Variants in TRABD2B observed in about 807,000 individuals in gnomAD.
TRABD2B encodes the protein metalloprotease TIKI2.
In TRABD2B, 14 loss-of-function variants were observed where a neutral mutation model predicts 40.1. The observed-to-expected ratio is 0.35, with a 90% CI of 0.23 to 0.55. TRABD2B has a LOEUF of 0.55. Ranked by LOEUF, TRABD2B falls within the 20% of genes least tolerant of loss-of-function variation. The pLI is 0.90. For synonymous variants in TRABD2B, 263 were observed against 277.0 expected, an observed-to-expected ratio of 0.95 and a Z score of 0.50; for missense variants, 541 against 648.6, an observed-to-expected ratio of 0.83 and a Z score of 1.80.
intron 4 of TRABD2B, among the ~76,000 whole-genome samples, chr1:47,785,703 C>T (rs370976131): frequency 1.3e-5 from 2 of 152,186 alleles, no homozygotes; most frequent in East Asian, 1.9e-4. Flanking sequence ...CAGGTCAGCA[C>T]AGGACAGAGC....
At chr1:47,938,980 G>A (rs902055094) in intron 2 of TRABD2B, among the ~76,000 whole-genome samples, 4 of 152,112 alleles carry the variant, frequency 2.6e-5, no homozygotes, top group Non-Finnish European at 5.9e-5. Flanking sequence ...ACTGACAGAG[G>A]GGTGTGAATT....
intron 2 of TRABD2B, among the ~76,000 whole-genome samples, chr1:47,833,103 A>C (rs1298368883): frequency 6.6e-6 from 1 of 152,182 alleles, no homozygotes; most frequent in Admixed American, 6.5e-5. Context: ...AGCAAATCAG[A>C]ATTCATTTAA....
intron 2 of TRABD2B, among the ~76,000 whole-genome samples, chr1:47,823,675 C>A (rs61772964): frequency 0.26 from 39,113 of 152,042 alleles, 5,358 homozygotes; most frequent in Non-Finnish European, 0.3. Context: ...GAGAGAGAGG[C>A]CTTCAGCCCG....
chr1:47,794,326 G>A (rs568293207), intron 4 of TRABD2B, among the ~76,000 whole-genome samples: 36 of 152,264 alleles, frequency 2.4e-4, no homozygotes, highest in South Asian at 1.2e-3. Context: ...TGGCTGCCTG[G>A]GGGCATGAAG....
At chr1:47,781,798 C>A (rs556336680) in intron 4 of TRABD2B, among the ~76,000 whole-genome samples, 1 of 152,210 alleles carries the variant, frequency 6.6e-6, no homozygotes, top group African/African-American at 2.4e-5. Context: ...GCGGTTCCTG[C>A]GCTCCCGAGC....
chr1:47,850,197 A>C (rs1276890781), intron 2 of TRABD2B, among the ~76,000 whole-genome samples: 1 of 152,230 alleles, frequency 6.6e-6, no homozygotes, highest in Non-Finnish European at 1.5e-5. Context: ...TAGACTTCTC[A>C]CAGGAGCTGG....
Position 47,809,093 on chromosome 1 carries a change from C to G in TRABD2B, c.667-7474G>C, listed in dbSNP as rs572748322. Among the ~76,000 whole-genome samples the G allele has an allele frequency of 7.2e-5, 11 of 152,226 alleles. No individual in the cohort carries two copies. The South Asian group carries it at 2.1e-3, about 29-fold the overall frequency. Reference sequence around the variant, plus strand: ...CTGCACGTCCTCTGTCTGGAAACCTCTCTCCATCTACCAGCTGACACTCCC... The same window carrying G: ...CTGCACGTCCTCTGTCTGGAAACCTGTCTCCATCTACCAGCTGACACTCCC... On this transcript the variant is annotated intron_variant, in intron 2 of 6. Transcript: ENST00000606738.
intron 2 of TRABD2B, among the ~76,000 whole-genome samples, chr1:47,829,886 G>C (rs1020232445): frequency 1.3e-5 from 2 of 152,082 alleles, no homozygotes; most frequent in Non-Finnish European, 2.9e-5. Flanking sequence ...CTTCCTCTTG[G>C]TCTCTTGTCA....
At chr1:47,897,007 G>C (rs949697962) in intron 2 of TRABD2B, among the ~76,000 whole-genome samples, 3 of 152,158 alleles carry the variant, frequency 2.0e-5, no homozygotes, top group Non-Finnish European at 4.4e-5. Context: ...TGCTCTCCTG[G>C]ATCTCACAAG....
chr1:47,855,284 T>G (rs2124535173), intron 2 of TRABD2B, among the ~76,000 whole-genome samples: 1 of 152,376 alleles, frequency 6.6e-6, no homozygotes, highest in South Asian at 2.1e-4. Flanking sequence ...TTCACATGTT[T>G]TTTAAAAACA....
In TRABD2B at chr1:47,874,252, ATT is replaced by A. The variant is rs61411862; in HGVS notation, c.667-72635_667-72634del. On this transcript the variant is annotated intron_variant, in intron 2 of 6. Coordinates refer to ENST00000606738, the MANE Select transcript of TRABD2B (RefSeq NM_001194986.2). ...ATTTTATTTTTAAATTGATTAATTA[ATT>A]TTTTTTTTTTTTTTTTTTTTTTGAG... Among the ~76,000 whole-genome samples, 41 of 90,524 alleles carry A rather than the reference ATT, an allele frequency of 4.5e-4. 1 individual carries two copies. Among genetic ancestry groups the A allele is most frequent in the East Asian group, 3.3e-3 (9 of 2,708 alleles). The allele number at this position is 90,524 out of a possible 152,430, so 59.4% of individuals were successfully genotyped here. A position where few individuals can be genotyped will look rare whatever the true frequency, so the allele number is the denominator to read the frequency against.
chr1:47,766,320 G>A (rs1644302916), intron 6 of TRABD2B, among the ~76,000 whole-genome samples: 2 of 152,186 alleles, frequency 1.3e-5, no homozygotes, highest in African/African-American at 2.4e-5. Context: ...CCGGGCTCTG[G>A]GGGATGGGCC....
chr1:47,879,790 G>C (rs1570193761), intron 2 of TRABD2B, among the ~76,000 whole-genome samples: 2 of 152,214 alleles, frequency 1.3e-5, no homozygotes, highest in South Asian at 4.1e-4. Flanking sequence ...GGCCAGAAGT[G>C]AGAGTGGGGA....
chr1:47,825,261 GC>G (rs1359599428), intron 2 of TRABD2B, among the ~76,000 whole-genome samples: 1 of 152,174 alleles, frequency 6.6e-6, no homozygotes, highest in African/African-American at 2.4e-5. Flanking sequence ...TCCATCATGA[GC>G]CCTGCTGATG....
At chr1:47,802,073 C>T (rs1644831222) in intron 2 of TRABD2B, among the ~76,000 whole-genome samples, 1 of 152,218 alleles carries the variant, frequency 6.6e-6, no homozygotes, top group African/African-American at 2.4e-5. Context: ...CTAAAGGCCG[C>T]CTACCCTGGA....
intron 2 of TRABD2B, among the ~76,000 whole-genome samples, chr1:47,951,374 T>C (rs1305186344): frequency 1.3e-5 from 2 of 152,182 alleles, no homozygotes; most frequent in African/African-American, 2.4e-5. Flanking sequence ...TTCTATCCCA[T>C]TTCACCCCAA....
chr1:47,992,313 C>T (rs78715579), intron 2 of TRABD2B, among the ~76,000 whole-genome samples: 6,802 of 152,274 alleles, frequency 0.045, 216 homozygotes, highest in East Asian at 0.1. Context: ...TAACCTCACA[C>T]ACACTTTCCA....
At chr1:47,776,493 G>C (rs1217438170) in intron 5 of TRABD2B, among the ~76,000 whole-genome samples, 1 of 152,234 alleles carries the variant, frequency 6.6e-6, no homozygotes, top group African/African-American at 2.4e-5. Context: ...AGACCTGGCT[G>C]TCAGGCAGGC....
At chr1:47,810,157 C>T (rs547129720) in intron 2 of TRABD2B, among the ~76,000 whole-genome samples, 1,770 of 95,142 alleles carry the variant, frequency 0.019, 36 homozygotes, top group East Asian at 0.07. Context: ...TGTGTGTGCG[C>T]GCGCGCGCGC....
Sources: gnomAD v4.1 joint callset for allele counts (sites outside exome capture counted in the v4.1 genomes callset) on GRCh38, gnomAD v4.1.1 for gene constraint, MANE v1.5 for transcripts, NCBI Gene and HGNC (gene_info 2026-07-23, HGNC 2026-07-21) for gene names.